PRKN: variants seen among roughly 807,000 people sequenced by gnomAD.
The protein encoded by PRKN is E3 ubiquitin-protein ligase parkin.
PRKN carries 56 observed loss-of-function variants against 59.5 expected under a neutral mutation model. The ratio of observed to expected loss-of-function variants is 0.94; its 90% confidence interval spans 0.76 to 1.18. PRKN has a LOEUF of 1.18. Ranked by LOEUF, PRKN falls within the 50% of genes most tolerant of loss-of-function variation. PRKN has a pLI of 0.00. For synonymous variants in PRKN, 250 were observed against 222.1 expected (o/e 1.13, Z -1.12); for missense variants, 657 against 596.4 (o/e 1.10, Z -1.06).
At chr6:161,861,457 G>C (rs1793893695) in intron 6 of PRKN, among the ~76,000 whole-genome samples, 1 of 152,118 alleles carries the variant, frequency 6.6e-6, no homozygotes, top group Non-Finnish European at 1.5e-5. Flanking sequence ...GAGAGCATTA[G>C]AACAAATACG....
chr6:162,295,802 T>C (rs888398041), intron 2 of PRKN, among the ~76,000 whole-genome samples: 1 of 152,140 alleles, frequency 6.6e-6, no homozygotes, highest in African/African-American at 2.4e-5. Context: ...GACTTCTGCA[T>C]AGGTGGCTGC....
chr6:162,232,145 G>A (rs977743397), intron 3 of PRKN, among the ~76,000 whole-genome samples: 1 of 152,142 alleles, frequency 6.6e-6, no homozygotes, highest in Non-Finnish European at 1.5e-5. Flanking sequence ...TATGCGAAAC[G>A]AGGGGTATGT....
intron 6 of PRKN, among the ~76,000 whole-genome samples, chr6:161,908,133 C>T (rs753469933): frequency 5.9e-5 from 9 of 152,078 alleles, no homozygotes; most frequent in Non-Finnish European, 1.3e-4. Flanking sequence ...AGGAATTTTC[C>T]AGGAAAGTGA....
At chr6:161,421,940 A>G (rs1266341289) in intron 9 of PRKN, among the ~76,000 whole-genome samples, 2 of 152,184 alleles carry the variant, frequency 1.3e-5, no homozygotes, top group African/African-American at 4.8e-5. Flanking sequence ...AGTGAATTTC[A>G]GAAGTAAAGA....
chr6:162,018,379 T>TA (rs1562463442), intron 5 of PRKN, among the ~76,000 whole-genome samples: 2 of 152,216 alleles, frequency 1.3e-5, no homozygotes, highest in Admixed American at 6.5e-5. Context: ...ATAGCTGGTT[T>TA]AAAACAAATG....
At chr6:161,861,276 G>A (rs1376547606) in intron 6 of PRKN, among the ~76,000 whole-genome samples, 1 of 152,180 alleles carries the variant, frequency 6.6e-6, no homozygotes, top group Admixed American at 6.5e-5. Flanking sequence ...CCTTTGCAGG[G>A]ACATGGATGA....
chr6:161,699,315 C>T (rs1392340028), intron 7 of PRKN, among the ~76,000 whole-genome samples: 1 of 152,096 alleles, frequency 6.6e-6, no homozygotes. Context: ...ATACACTATC[C>T]AAATGGCCCA....
intron 6 of PRKN, 95 bp downstream of exon 6, chr6:161,973,207 A>C (rs977078629): frequency 6.1e-6 from 5 of 826,366 alleles, no homozygotes; most frequent in Non-Finnish European, 8.4e-6. Context: ...GTGTGGCAGA[A>C]CAATATTGGG....
rs536312619 is a variant in PRKN at position 161,371,040 on chromosome 6, C to T, written c.1168-10835G>A. The stretch of plus-strand genomic sequence containing the variant: ...AGAAAATGGCATCACTTTTCAGGGG[C>T]CTTGAGCTAGTCAACGTTACTGCTT... On this transcript the variant is annotated intron_variant, in intron 10 of 11. Transcript: ENST00000366898. The surrounding 1 kb of genome is among the most constrained non-coding windows in gnomAD (Gnocchi z 5.5). 6.6e-6 allele frequency among the ~76,000 whole-genome samples: 1 copy of T among 152,134 alleles called. No homozygotes were observed. Among genetic ancestry groups the T allele is most frequent in the Non-Finnish European group, 1.5e-5 (1 of 68,026 alleles).
At chr6:161,424,041 A>G (rs966015793) in intron 9 of PRKN, among the ~76,000 whole-genome samples, 1 of 152,116 alleles carries the variant, frequency 6.6e-6, no homozygotes, top group Admixed American at 6.5e-5. Flanking sequence ...ATTAATATTA[A>G]AGAGTTGATT....
chr6:162,206,916 A>T (rs1784969949), intron 3 of PRKN, among the ~76,000 whole-genome samples: 1 of 152,170 alleles, frequency 6.6e-6, no homozygotes, highest in Non-Finnish European at 1.5e-5. Context: ...TTTACACATT[A>T]TGGAGAGAGA....
In PRKN at chr6:161,410,558, T is replaced by G. The variant is rs959659174; in HGVS notation, c.1084-23681A>C. 5.9e-5 allele frequency among the ~76,000 whole-genome samples: 9 copies of G among 152,174 alleles called. No homozygotes were observed. Among genetic ancestry groups the G allele is most frequent in the Admixed American group, 1.3e-4 (2 of 15,274 alleles). The stretch of plus-strand genomic sequence containing the variant: ...GCAGATACTCTAAGGAGCCCGGGTC[T>G]GAGCTGGACACACACAGCAGCGAGA... On this transcript the variant is annotated intron_variant, in intron 9 of 11. Coordinates refer to ENST00000366898, the MANE Select transcript of PRKN (RefSeq NM_004562.3). This position sits in a 1 kb window ranked among gnomAD's most constrained non-coding sequence, Gnocchi z 5.3.
chr6:161,436,460 T>TG lies in PRKN; in HGVS notation c.1084-49584dup, dbSNP rs34060350. ...ACTCTCTGCAAACTCAAGACTTTTTTGGGGGGGGGTGGGCGGAGAGTGCAA... is the reference window on the plus strand; with the variant it reads ...ACTCTCTGCAAACTCAAGACTTTTTTGGGGGGGGGGTGGGCGGAGAGTGCAA... On this transcript the variant is annotated intron_variant, in intron 9 of 11. Coordinates refer to ENST00000366898, the MANE Select transcript of PRKN (RefSeq NM_004562.3). 7.0e-3 allele frequency among the ~76,000 whole-genome samples: 872 copies of TG among 124,026 alleles called. 2 individuals are homozygous for TG. The highest frequency in any genetic ancestry group is 0.021 in the African/African-American group (587 of 27,966). The allele number at this position is 124,026 out of a possible 152,430, so 81.4% of individuals were successfully genotyped here.
rs1338596022 is a variant in PRKN at position 162,289,315 on chromosome 6, G to A, written c.172-26550C>T. Among the ~76,000 whole-genome samples the A allele has an allele frequency of 2.0e-5, 3 of 152,002 alleles. No homozygotes were observed. In the East Asian group the frequency reaches 5.8e-4, roughly 29 times the overall value. On this transcript the variant is annotated intron_variant, in intron 2 of 11. Transcript: ENST00000366898. Reference sequence around the variant, plus strand: ...AGGACACTTATCATATTGGATTAAGGCCCAGCCTAATGACCACACTTTCAC... The same window carrying A: ...AGGACACTTATCATATTGGATTAAGACCCAGCCTAATGACCACACTTTCAC...
At chr6:162,266,127 A>G (rs1453104783) in intron 2 of PRKN, among the ~76,000 whole-genome samples, 1 of 152,088 alleles carries the variant, frequency 6.6e-6, no homozygotes, top group Non-Finnish European at 1.5e-5. Flanking sequence ...GCCTATCTTG[A>G]GGTTTCTATC....
intron 3 of PRKN, among the ~76,000 whole-genome samples, chr6:162,240,504 T>C (rs1188503140): frequency 6.6e-6 from 1 of 152,162 alleles, no homozygotes; most frequent in African/African-American, 2.4e-5. Flanking sequence ...GCAATTAACT[T>C]ATTTCTATTT....
In PRKN at chr6:161,526,715, C is replaced by T. The variant is rs1269978849; in HGVS notation, c.1083+22139G>A. 1.3e-5 allele frequency among the ~76,000 whole-genome samples: 2 copies of T among 152,046 alleles called. No individual in the cohort carries two copies. Among genetic ancestry groups the T allele is most frequent in the African/African-American group, 4.8e-5 (2 of 41,406 alleles). On this transcript the variant is annotated intron_variant, in intron 9 of 11. Coordinates refer to ENST00000366898, the MANE Select transcript of PRKN (RefSeq NM_004562.3). This position sits in a 1 kb window ranked among gnomAD's most constrained non-coding sequence, Gnocchi z 4.1. ...AATGTTTGCTAAGCACTGTAGGGGACAGAAAAGACTTTCTTTATCCTCTGA... is the reference window on the plus strand; with the variant it reads ...AATGTTTGCTAAGCACTGTAGGGGATAGAAAAGACTTTCTTTATCCTCTGA...
chr6:162,386,806 T>C (rs1786845498), intron 2 of PRKN, among the ~76,000 whole-genome samples: 1 of 152,206 alleles, frequency 6.6e-6, no homozygotes, highest in African/African-American at 2.4e-5. Flanking sequence ...AAATCTAAAA[T>C]ATGATTTTAT....
chr6:162,114,272 G>A (rs1229443911), intron 4 of PRKN, among the ~76,000 whole-genome samples: 3 of 151,914 alleles, frequency 2.0e-5, no homozygotes, highest in Non-Finnish European at 4.4e-5. Context: ...GTAGCTTGAT[G>A]GGGATGGCAT....
Sources: gnomAD v4.1 joint callset for allele counts (sites outside exome capture counted in the v4.1 genomes callset) on GRCh38, gnomAD v4.1.1 for gene constraint, Gnocchi (gnomAD v3.1) non-coding constraint, MANE v1.5 for transcripts, NCBI Gene and HGNC (gene_info 2026-07-23, HGNC 2026-07-21) for gene names.